Variants in ZNF385B observed in about 807,000 individuals in gnomAD.
The protein encoded by ZNF385B is zinc finger protein 533.
Under a neutral mutation model 39.2 loss-of-function variants are expected in ZNF385B, and 23 were observed. The observed-to-expected ratio is 0.59, with a 90% CI of 0.42 to 0.83. The LOEUF is 0.83. ZNF385B is among the 40% of genes least tolerant of loss of function. The pLI is 0.00. For missense variants in ZNF385B, 552 were observed against 598.9 expected (o/e 0.92, Z 0.82); for synonymous variants, 205 against 222.6 (o/e 0.92, Z 0.70).
intron 5 of ZNF385B, among the ~76,000 whole-genome samples, chr2:179,507,842 G>T (rs559348758): frequency 6.6e-6 from 1 of 152,026 alleles, no homozygotes; most frequent in Non-Finnish European, 1.5e-5. Context: ...CTCATATGCT[G>T]TCTCCACCTC....
chr2:179,644,579 GA>G (rs1476411227), intron 3 of ZNF385B, among the ~76,000 whole-genome samples: 1 of 152,154 alleles, frequency 6.6e-6, no homozygotes, highest in Non-Finnish European at 1.5e-5. Flanking sequence ...AGTTTCCAGT[GA>G]AAGACTTACT....
At chr2:179,803,041 C>A (rs1218401248) in intron 1 of ZNF385B, among the ~76,000 whole-genome samples, 1 of 152,130 alleles carries the variant, frequency 6.6e-6, no homozygotes, top group Admixed American at 6.5e-5. Context: ...CATATTCAAT[C>A]TTTAGAATAC....
intron 3 of ZNF385B, among the ~76,000 whole-genome samples, chr2:179,732,784 G>T (rs1701479296): frequency 6.6e-6 from 1 of 152,142 alleles, no homozygotes; most frequent in African/African-American, 2.4e-5. Flanking sequence ...CTCCAACAGA[G>T]AACTAAATGT....
At chr2:179,533,223 T>C (rs2105866675) in intron 4 of ZNF385B, among the ~76,000 whole-genome samples, 1 of 152,282 alleles carries the variant, frequency 6.6e-6, no homozygotes, top group East Asian at 1.9e-4. Context: ...CAAGAAGTAA[T>C]GAGCTCTATG....
intron 1 of ZNF385B, among the ~76,000 whole-genome samples, chr2:179,822,509 CAG>C (rs2106584796): frequency 6.6e-6 from 1 of 152,282 alleles, no homozygotes; most frequent in Admixed American, 6.5e-5. Flanking sequence ...TGGTGGTCAA[CAG>C]AGTCTGATGG....
At chr2:179,704,495 A>G (rs190947289) in intron 3 of ZNF385B, among the ~76,000 whole-genome samples, 3 of 152,332 alleles carry the variant, frequency 2.0e-5, no homozygotes, top group Admixed American at 2.0e-4. Context: ...GAGAGTAACA[A>G]AAGGAAACAC....
At chr2:179,794,801 T>C (rs1267909197) in intron 1 of ZNF385B, among the ~76,000 whole-genome samples, 4 of 152,062 alleles carry the variant, frequency 2.6e-5, no homozygotes, top group Admixed American at 2.0e-4. Flanking sequence ...TTGGATGAGA[T>C]GGGGACACCG....
intron 3 of ZNF385B, among the ~76,000 whole-genome samples, chr2:179,649,595 C>A (rs1025077705): frequency 1.3e-5 from 2 of 151,930 alleles, no homozygotes; most frequent in African/African-American, 4.8e-5. Context: ...AGATGATACA[C>A]CAGATATAGT....
intron 1 of ZNF385B, among the ~76,000 whole-genome samples, chr2:179,844,287 T>G (rs534486876): frequency 6.6e-6 from 1 of 152,336 alleles, no homozygotes; most frequent in East Asian, 1.9e-4. Flanking sequence ...ATTTTTAAAT[T>G]TCCTTTCTGC....
intron 3 of ZNF385B, among the ~76,000 whole-genome samples, chr2:179,552,388 G>A (rs1442494933): frequency 1.3e-5 from 2 of 149,200 alleles, no homozygotes; most frequent in East Asian, 3.9e-4. Context: ...TCCTGCAGGA[G>A]TAGTTTCTTC....
At chr2:179,595,810 C>T (rs960290633) in intron 3 of ZNF385B, among the ~76,000 whole-genome samples, 9 of 150,210 alleles carry the variant, frequency 6.0e-5, no homozygotes, top group African/African-American at 9.8e-5. Context: ...CATTGCGCTC[C>T]GCACTCCAGC....
At chr2:179,841,844 A>T (rs1251122238) in intron 1 of ZNF385B, among the ~76,000 whole-genome samples, 2 of 152,218 alleles carry the variant, frequency 1.3e-5, no homozygotes. Context: ...ATGTCCTAGA[A>T]CCAGATGAGA....
At chr2:179,772,030 T>C (rs1196888290) in intron 1 of ZNF385B, among the ~76,000 whole-genome samples, 1 of 152,194 alleles carries the variant, frequency 6.6e-6, no homozygotes, top group African/African-American at 2.4e-5. Context: ...GGCTTGTCCA[T>C]ATTGCAGATT....
intron 3 of ZNF385B, among the ~76,000 whole-genome samples, chr2:179,593,720 G>A (rs544655879): frequency 1.3e-5 from 2 of 152,220 alleles, no homozygotes; most frequent in East Asian, 1.9e-4. Context: ...AAGTTCTTAC[G>A]CTTATCTATA....
At chr2:179,561,621 G>GA (rs142795610) in intron 3 of ZNF385B, among the ~76,000 whole-genome samples, 52,168 of 144,100 alleles carry the variant, frequency 0.36, 9,271 homozygotes, top group Admixed American at 0.48. Context: ...TGGCAAAATT[G>GA]AAAAAAAAAA....
chr2:179,490,851 AT>A (rs1327594142), intron 5 of ZNF385B, among the ~76,000 whole-genome samples: 1 of 152,178 alleles, frequency 6.6e-6, no homozygotes, highest in African/African-American at 2.4e-5. Flanking sequence ...AGAGACAATT[AT>A]TTAAGCTTGG....
intron 1 of ZNF385B, among the ~76,000 whole-genome samples, chr2:179,809,202 C>T (rs937074387): frequency 1.3e-5 from 2 of 152,104 alleles, no homozygotes. Flanking sequence ...ATCTAAGTTT[C>T]AGGAAAAAGT....
intron 3 of ZNF385B, among the ~76,000 whole-genome samples, chr2:179,706,785 A>G (rs1255329108): frequency 6.6e-6 from 1 of 152,164 alleles, no homozygotes; most frequent in East Asian, 1.9e-4. Context: ...ATAGGTGGGG[A>G]TTGGTCAGTT....
At position 179,484,217 on chromosome 2, in the gene ZNF385B, G is replaced by C. The variant is rs1183449092; in HGVS notation, c.553-783C>G. Among the ~76,000 whole-genome samples the C allele has an allele frequency of 1.3e-4, 19 of 151,638 alleles. No individual in the cohort carries two copies. In the Admixed American group the frequency reaches 1.3e-3, roughly 10 times the overall value. Reference sequence around the variant, plus strand: ...CTTGAAAACATTTAATCAACTTACTGACATTTGGAAAATTTTCCTCTGCCT... The same window carrying C: ...CTTGAAAACATTTAATCAACTTACTCACATTTGGAAAATTTTCCTCTGCCT... On this transcript the variant is annotated intron_variant, in intron 5 of 9. Coordinates refer to ENST00000410066, the MANE Select transcript of ZNF385B (RefSeq NM_152520.6).
Sources: allele counts gnomAD v4.1 joint callset (sites outside exome capture counted in the v4.1 genomes callset), GRCh38; gene constraint gnomAD v4.1.1; transcripts MANE v1.5; gene names NCBI Gene and HGNC (gene_info 2026-07-23, HGNC 2026-07-21).